SLC2A13: variants seen among roughly 807,000 people sequenced by gnomAD.
The protein encoded by SLC2A13 is solute carrier family 2 member 13.
A neutral mutation model predicts 64.4 loss-of-function variants in SLC2A13; 32 were observed. The ratio of observed to expected loss-of-function variants is 0.50; its 90% confidence interval spans 0.37 to 0.67. The LOEUF is 0.67. Ranked by LOEUF, SLC2A13 falls within the 30% of genes least tolerant of loss-of-function variation. SLC2A13 has a pLI of 0.00. For synonymous variants in SLC2A13, 338 were observed against 327.1 expected (o/e 1.03, Z -0.36); for missense variants, 743 against 829.2 (o/e 0.90, Z 1.28).
intron 4 of SLC2A13, among the ~76,000 whole-genome samples, chr12:39,877,101 T>A (rs951948272): frequency 6.6e-6 from 1 of 152,168 alleles, no homozygotes; most frequent in African/African-American, 2.4e-5. Context: ...AAAATAATTA[T>A]ATTTTCCTAT....
At chr12:40,016,590 AC>A (rs775875031) in intron 3 of SLC2A13, among the ~76,000 whole-genome samples, 4 of 152,184 alleles carry the variant, frequency 2.6e-5, no homozygotes, top group African/African-American at 4.8e-5. Context: ...TCATAGGCTC[AC>A]CTTTCATAGT....
intron 7 of SLC2A13, among the ~76,000 whole-genome samples, chr12:39,776,068 T>C (rs1940764907): frequency 6.6e-6 from 1 of 152,230 alleles, no homozygotes. Context: ...TAGTGACTCA[T>C]AGACAGCTAA....
At chr12:40,104,101 T>C (rs1186174532) in intron 1 of SLC2A13, among the ~76,000 whole-genome samples, 1 of 151,872 alleles carries the variant, frequency 6.6e-6, no homozygotes. Context: ...ATCAAACAAG[T>C]GGTGAATACA....
intron 6 of SLC2A13, among the ~76,000 whole-genome samples, chr12:39,851,591 A>ACTCC (rs1943470569): frequency 1.3e-5 from 2 of 152,212 alleles, no homozygotes; most frequent in African/African-American, 2.4e-5. Flanking sequence ...ATCCATGCTA[A>ACTCC]ATGCCAAGGA....
intron 1 of SLC2A13, among the ~76,000 whole-genome samples, chr12:40,104,076 G>C (rs896616274): frequency 3.3e-5 from 5 of 152,130 alleles, no homozygotes; most frequent in African/African-American, 1.2e-4. Flanking sequence ...CAGAGAAAGG[G>C]TGAAAAGCAC....
At chr12:39,894,488 A>G (rs1944689649) in intron 4 of SLC2A13, among the ~76,000 whole-genome samples, 1 of 151,582 alleles carries the variant, frequency 6.6e-6, no homozygotes, top group South Asian at 2.1e-4. Context: ...AAACAGGGAT[A>G]AAATTAGCCT....
chr12:40,083,888 G>C (rs1231991562), intron 1 of SLC2A13, among the ~76,000 whole-genome samples: 1 of 152,182 alleles, frequency 6.6e-6, no homozygotes, highest in Non-Finnish European at 1.5e-5. Flanking sequence ...GCTGCATTTT[G>C]CATTATTTCC....
At chr12:40,062,287 C>G (rs193107551) in intron 1 of SLC2A13, among the ~76,000 whole-genome samples, 6 of 151,908 alleles carry the variant, frequency 3.9e-5, no homozygotes, top group African/African-American at 1.2e-4. Flanking sequence ...TTAATCTGCC[C>G]TAGCTGATGG....
At chr12:39,781,374 C>T (rs1157491056) in intron 7 of SLC2A13, among the ~76,000 whole-genome samples, 1 of 78,118 alleles carries the variant, frequency 1.3e-5, no homozygotes, top group African/African-American at 5.5e-5. Context: ...CTGAGGGAGC[C>T]CCGCACAGTC....
intron 5 of SLC2A13, among the ~76,000 whole-genome samples, chr12:39,866,215 C>T (rs765631260): frequency 6.6e-6 from 1 of 152,130 alleles, no homozygotes; most frequent in Admixed American, 6.5e-5. Context: ...TGAGAAGCAT[C>T]GTGGAAGTAC....
chr12:39,814,783 A>G (rs528171321), intron 7 of SLC2A13, among the ~76,000 whole-genome samples: 1 of 152,106 alleles, frequency 6.6e-6, no homozygotes, highest in South Asian at 2.1e-4. Flanking sequence ...CCAATTATGC[A>G]TATGTCACAA....
At chr12:39,859,770 C>T (rs1566874656) in intron 6 of SLC2A13, among the ~76,000 whole-genome samples, 1 of 152,086 alleles carries the variant, frequency 6.6e-6, no homozygotes, top group Non-Finnish European at 1.5e-5. Context: ...TGGTGATCCG[C>T]CTGACTTGGC....
chr12:39,946,611 G>T (rs1000314023), intron 4 of SLC2A13, among the ~76,000 whole-genome samples: 1 of 152,162 alleles, frequency 6.6e-6, no homozygotes, highest in Non-Finnish European at 1.5e-5. Flanking sequence ...GGCTCCCTCT[G>T]CTGAGTCATG....
intron 3 of SLC2A13, among the ~76,000 whole-genome samples, chr12:39,966,938 C>A (rs1356449234): frequency 6.6e-6 from 1 of 152,064 alleles, no homozygotes; most frequent in Admixed American, 6.6e-5. Context: ...AGATGCTCTT[C>A]TAGATAAATA....
At chr12:39,906,856 C>G (rs1031271355) in intron 4 of SLC2A13, among the ~76,000 whole-genome samples, 2 of 152,006 alleles carry the variant, frequency 1.3e-5, no homozygotes, top group Non-Finnish European at 2.9e-5. Flanking sequence ...AGTATGAAAA[C>G]AGGCAAAACA....
intron 1 of SLC2A13, chr12:40,068,237 C>T: frequency 3.1e-6 from 1 of 320,134 alleles, no homozygotes; most frequent in South Asian, 2.5e-5. Context: ...AATTATTTTG[C>T]TTGGTTTACT....
At chr12:39,780,981 T>C (rs1940959760) in intron 7 of SLC2A13, among the ~76,000 whole-genome samples, 1 of 152,198 alleles carries the variant, frequency 6.6e-6, no homozygotes, top group Non-Finnish European at 1.5e-5. Flanking sequence ...AGATGGAAAG[T>C]CATTATCGTA....
chr12:39,950,714 T>C (rs761560635), intron 4 of SLC2A13: 1 of 152,374 alleles, frequency 6.6e-6, no homozygotes, highest in Non-Finnish European at 1.5e-5. Flanking sequence ...CACATACAGC[T>C]TTGGGAATTA....
chr12:39,849,923 T>C (rs555169742), intron 6 of SLC2A13, among the ~76,000 whole-genome samples: 2 of 152,288 alleles, frequency 1.3e-5, no homozygotes, highest in South Asian at 4.1e-4. Flanking sequence ...TATTGTTTCT[T>C]CTTCTGTTTT....
Sources: gnomAD v4.1 joint callset for allele counts (sites outside exome capture counted in the v4.1 genomes callset) on GRCh38, gnomAD v4.1.1 for gene constraint, MANE v1.5 for transcripts, NCBI Gene and HGNC (gene_info 2026-07-23, HGNC 2026-07-21) for gene names.